The following POLE variants were observed in gnomAD, a reference collection of about 807,000 sequenced individuals.
The protein encoded by POLE is DNA polymerase epsilon, catalytic subunit.
Under a neutral mutation model 279.2 loss-of-function variants are expected in POLE, and 188 were observed. That is an observed-to-expected ratio of 0.67 (90% CI 0.60 to 0.76). The LOEUF (loss-of-function observed/expected upper bound fraction) is 0.76. Ranked by LOEUF, POLE falls within the 30% of genes least tolerant of loss-of-function variation. POLE has a pLI of 0.00. For synonymous variants in POLE, 1,214 were observed against 1,172.5 expected, an observed-to-expected ratio of 1.04 and a Z score of -0.72; for missense variants, 2,703 against 3,016.7, an observed-to-expected ratio of 0.90 and a Z score of 2.44.
intron 27 of POLE, 89 bp downstream of exon 27, chr12:132,657,779 A>G (rs2042578224): frequency 1.1e-6 from 1 of 950,564 alleles, no homozygotes; most frequent in African/African-American, 1.8e-5. Context: ...AAGACGCCAG[A>G]CAAAAAACAT....
intron 46 of POLE, 87 bp from the exon 47 acceptor site, chr12:132,625,857 T>G (rs1419680938): frequency 3.9e-6 from 6 of 1,530,224 alleles, no homozygotes; most frequent in Non-Finnish European, 5.3e-6. Flanking sequence ...GAAGGGGCTG[T>G]GAGAAGCGCC....
Position 132,626,223 on chromosome 12 carries a change from GCCT to G in POLE, c.6422_6424del (p.Glu2141del), listed in dbSNP as rs1406672505. The stretch of plus-strand genomic sequence containing the variant: ...GGAGCGGCAGGGGTCTCGGAACTGG[GCCT>G]CCTCGGAGAACTCGCCGACATCCAC... On this transcript the variant is annotated inframe_deletion, in exon 46 of 49. Transcript: ENST00000320574. 6.2e-7 allele frequency: 1 copy of G among 1,613,722 alleles called. No homozygotes were observed. Among genetic ancestry groups the G allele is most frequent in the Admixed American group, 1.7e-5 (1 of 60,002 alleles).
intron 27 of POLE, 38 bp downstream of exon 27, chr12:132,657,830 G>A (rs376815064): frequency 5.0e-6 from 7 of 1,389,124 alleles, no homozygotes; most frequent in Non-Finnish European, 7.2e-6. Flanking sequence ...AGCTTTCCTT[G>A]TAAACTTTTA....
chr12:132,672,391 G>A (rs1203831266), intron 15 of POLE, 69 bp from the exon 16 acceptor site: 9 of 1,318,302 alleles, frequency 6.8e-6, no homozygotes, highest in East Asian at 2.3e-5. Context: ...CAGGTTTGAC[G>A]CTGTGGCTGC....
chr12:132,684,451 C>T (rs2043225813), intron 1 of POLE, among the ~76,000 whole-genome samples: 1 of 4,836 alleles, frequency 2.1e-4, no homozygotes, highest in East Asian at 8.6e-3. Context: ...TATATCACAC[C>T]GTCCCAGTAC....
intron 29 of POLE, among the ~76,000 whole-genome samples, chr12:132,654,995 T>C (rs910446264): frequency 6.6e-6 from 1 of 152,184 alleles, no homozygotes; most frequent in African/African-American, 2.4e-5. Context: ...CTCAAATTCC[T>C]GGGCTCAAGC....
intron 29 of POLE, among the ~76,000 whole-genome samples, chr12:132,656,361 TTTTC>T (rs1239099026): frequency 1.3e-5 from 2 of 151,622 alleles, no homozygotes; most frequent in Non-Finnish European, 2.9e-5. Flanking sequence ...CTCAGAACCT[TTTTC>T]TTTTTTTTTT....
intron 31 of POLE, 77 bp downstream of exon 31, chr12:132,649,229 C>A (rs530506651): frequency 6.5e-7 from 1 of 1,544,026 alleles, no homozygotes; most frequent in Non-Finnish European, 8.9e-7. Flanking sequence ...CCATCCCAGA[C>A]CTCAGGGCCC....
intron 6 of POLE, among the ~76,000 whole-genome samples, 167 bp downstream of exon 6, chr12:132,679,325 GAAGCC>G (rs2043118429): frequency 6.6e-6 from 1 of 152,144 alleles, no homozygotes; most frequent in African/African-American, 2.4e-5. Context: ...TATAACCTGG[GAAGCC>G]ACTGTTTATT....
intron 15 of POLE, 54 bp from the exon 16 acceptor site, chr12:132,672,376 T>G: frequency 7.0e-7 from 1 of 1,434,978 alleles, no homozygotes; most frequent in Non-Finnish European, 9.8e-7. Context: ...CACACTAGCC[T>G]GCCTCAGGTT....
In POLE at chr12:132,686,627, C is replaced by G. The variant is rs562595247; in HGVS notation, c.62+627G>C. On this transcript the variant is annotated intron_variant, in intron 1 of 48. Coordinates refer to ENST00000320574, the MANE Select transcript of POLE (RefSeq NM_006231.4). Reference sequence around the variant, plus strand: ...GCGGGCGCCTGTAATTCCAGCTACTCGGGAGGCTGAGGCAGCGGGATCGCT... The same window carrying G: ...GCGGGCGCCTGTAATTCCAGCTACTGGGGAGGCTGAGGCAGCGGGATCGCT... Among the ~76,000 whole-genome samples, 485 of 151,894 alleles carry G rather than the reference C, an allele frequency of 3.2e-3. 4 individuals carry two copies. Among genetic ancestry groups the G allele is most frequent in the African/African-American group, 0.011 (469 of 41,474 alleles).
At chr12:132,647,364 A>G (rs750259912) in intron 32 of POLE, among the ~76,000 whole-genome samples, 6 of 152,154 alleles carry the variant, frequency 3.9e-5, no homozygotes, top group African/African-American at 7.2e-5. Flanking sequence ...AAAAGAGAGG[A>G]AAAATGAAAG....
At chr12:132,642,433 G>A (rs564288101) in intron 37 of POLE, 36 bp from the exon 38 acceptor site, 9 of 1,592,736 alleles carry the variant, frequency 5.7e-6, no homozygotes, top group Admixed American at 3.4e-5. Flanking sequence ...GGGGCACATC[G>A]CCGGGTCACA....
rs2042741508 is a variant in POLE at position 132,664,222 on chromosome 12, C to A, written c.2562-74G>T. The A allele has an allele frequency of 6.6e-7, 1 of 1,515,634 alleles. No individual in the cohort carries two copies. Among genetic ancestry groups the A allele is most frequent in the Non-Finnish European group, 9.1e-7 (1 of 1,102,090 alleles). The allele number at this position is 1,515,634 out of a possible 1,614,324, so 93.9% of individuals were successfully genotyped here. ...CCCAGTGTGTGGCCTCCAGCCTTCC[C>A]TCCTTCCTTCCTGCCCAGTGTGTGG... On this transcript the variant is annotated intron_variant, in intron 22 of 48. Coordinates refer to ENST00000320574, the MANE Select transcript of POLE (RefSeq NM_006231.4). The surrounding 1 kb of genome is among the most constrained non-coding windows in gnomAD (Gnocchi z 5.3).
At chr12:132,627,285 A>T (rs2041857955) in intron 45 of POLE, among the ~76,000 whole-genome samples, 1 of 152,154 alleles carries the variant, frequency 6.6e-6, no homozygotes, top group East Asian at 1.9e-4. Context: ...CCATCTCAAA[A>T]AAAAAAAAAG....
intron 20 of POLE, among the ~76,000 whole-genome samples, chr12:132,666,497 A>G (rs987383781): frequency 3.9e-5 from 6 of 152,242 alleles, no homozygotes; most frequent in African/African-American, 1.2e-4. Flanking sequence ...CGGGAGGATC[A>G]CTTGAGCCTG....
At chr12:132,657,814 C>T (rs947633472) in intron 27 of POLE, 54 bp downstream of exon 27, 2 of 1,210,190 alleles carry the variant, frequency 1.7e-6, no homozygotes, top group Non-Finnish European at 2.5e-6. Flanking sequence ...ATATTCTGCT[C>T]TGTCTAGCTT....
intron 20 of POLE, among the ~76,000 whole-genome samples, chr12:132,667,210 G>A (rs935453519): frequency 2.0e-5 from 3 of 152,124 alleles, no homozygotes; most frequent in Non-Finnish European, 2.9e-5. Flanking sequence ...AGTTGGGTTC[G>A]TAAAACTTGA....
intron 25 of POLE, 63 bp downstream of exon 25, chr12:132,660,906 G>T (rs1445149623): frequency 5.8e-6 from 8 of 1,375,750 alleles, no homozygotes; most frequent in Non-Finnish European, 7.9e-6. Flanking sequence ...GGAAGCACGG[G>T]GTCCCCTTCT....
Sources: gnomAD v4.1 joint callset for allele counts (sites outside exome capture counted in the v4.1 genomes callset) on GRCh38, gnomAD v4.1.1 for gene constraint, Gnocchi (gnomAD v3.1) non-coding constraint, MANE v1.5 for transcripts, NCBI Gene and HGNC (gene_info 2026-07-23, HGNC 2026-07-21) for gene names.